FGF14: variants seen among roughly 807,000 people sequenced by gnomAD.
FGF14 encodes the protein fibroblast growth factor 14.
A neutral mutation model predicts 25.5 loss-of-function variants in FGF14; 5 were observed. The ratio of observed to expected loss-of-function variants is 0.20; its 90% CI spans 0.10 to 0.41. The LOEUF is 0.41. Among genes scored for constraint, FGF14 ranks in the 10% least tolerant of loss-of-function variants. The pLI, the probability that FGF14 is intolerant of heterozygous loss-of-function variation, is 1.00. For synonymous variants in FGF14, 138 were observed against 118.3 expected (o/e 1.17, Z -1.08); for missense variants, 222 against 320.1 (o/e 0.69, Z 2.34).
intron 3 of FGF14, among the ~76,000 whole-genome samples, chr13:101,812,099 T>C (rs1331607479): frequency 6.6e-6 from 1 of 152,148 alleles, no homozygotes; most frequent in Non-Finnish European, 1.5e-5. Flanking sequence ...TCAAATTATA[T>C]CTAAGTTCAT....
Position 101,916,535 on chromosome 13 carries a change from G to T in FGF14, c.111C>A (p.Arg37=). ...SRRRSSPSKN[R]GLCNGNLVDI... is the part of the protein sequence containing the mutation. ...CCACCAGGTTGCCGTTGCAGAGCCC[G>T]CGGTTCTTGCTGGGGCTGCTCCGCC... is the stretch of plus-strand genomic sequence containing the variant. The change falls in exon 1 of 5, where the codon CGC becomes CGA. Residue 37 remains arginine (R), a synonymous_variant. Transcript: ENST00000376143. 1 of 1,613,706 alleles carries T rather than the reference G, an allele frequency of 6.2e-7. No individual in the cohort carries two copies. The highest frequency in any genetic ancestry group is 8.5e-7 in the Non-Finnish European group (1 of 1,179,926).
rs148452566 is a variant in FGF14 at position 101,888,716 on chromosome 13, A to T, written c.194-13420T>A. ...AAATAAATGAGCATCTCCCTGATCA[A>T]CTCAAAGGCAGACAACTGTAAAGGA... On this transcript the variant is annotated intron_variant, in intron 1 of 4. Coordinates refer to ENST00000376143, the MANE Select transcript of FGF14 (RefSeq NM_004115.4). 2.9e-3 allele frequency among the ~76,000 whole-genome samples: 447 copies of T among 152,324 alleles called. 4 individuals are homozygous for T. Among genetic ancestry groups the T allele is most frequent in the African/African-American group, 0.01 (420 of 41,570 alleles).
intron 3 of FGF14, among the ~76,000 whole-genome samples, chr13:101,805,023 G>C (rs2041117658): frequency 6.6e-6 from 1 of 152,140 alleles, no homozygotes; most frequent in Admixed American, 6.6e-5. Context: ...AAATTTGACA[G>C]TATCTCCTAC....
At chr13:102,378,731 G>A (rs1426104839) in intron 1 of FGF14, among the ~76,000 whole-genome samples, 3 of 151,422 alleles carry the variant, frequency 2.0e-5, no homozygotes, top group South Asian at 2.1e-4. Context: ...AGAATCCTGA[G>A]GCACAGAGAA....
intron 1 of FGF14, among the ~76,000 whole-genome samples, chr13:102,289,898 CCT>C (rs139307444): frequency 1.3e-4 from 19 of 149,424 alleles, no homozygotes; most frequent in Admixed American, 1.3e-4. Context: ...TCTTTCCCTC[CCT>C]CTCTCTCTCT....
chr13:102,178,541 C>A (rs1215954233), intron 1 of FGF14, among the ~76,000 whole-genome samples: 1 of 151,948 alleles, frequency 6.6e-6, no homozygotes, highest in Non-Finnish European at 1.5e-5. Context: ...GTCTGTCATC[C>A]CCCTCCCACC....
intron 1 of FGF14, among the ~76,000 whole-genome samples, chr13:101,959,243 C>A (rs890727246): frequency 6.6e-6 from 1 of 152,098 alleles, no homozygotes; most frequent in Non-Finnish European, 1.5e-5. Context: ...CCTCAGCCAC[C>A]ACTCACTTCC....
At chr13:102,161,472 A>T (rs184662533) in intron 1 of FGF14, among the ~76,000 whole-genome samples, 1 of 152,108 alleles carries the variant, frequency 6.6e-6, no homozygotes, top group African/African-American at 2.4e-5. Context: ...AATGACAGCA[A>T]TCGTCAGTCA....
intron 1 of FGF14, among the ~76,000 whole-genome samples, chr13:101,875,819 A>G (rs1444295137): frequency 4.6e-5 from 7 of 152,142 alleles, no homozygotes; most frequent in Non-Finnish European, 8.8e-5. Context: ...AAAAGCCCCA[A>G]TTTGGAGAAA....
intron 3 of FGF14, among the ~76,000 whole-genome samples, chr13:101,835,188 T>C (rs2042863011): frequency 6.6e-6 from 1 of 152,034 alleles, no homozygotes; most frequent in African/African-American, 2.4e-5. Flanking sequence ...GATAAAGTAA[T>C]AGTGCTGCTT....
chr13:102,088,590 CTG>C (rs1435709511), intron 1 of FGF14, among the ~76,000 whole-genome samples: 1 of 152,052 alleles, frequency 6.6e-6, no homozygotes, highest in African/African-American at 2.4e-5. Context: ...TATTTTCTAA[CTG>C]AGAAATCAAA....
At chr13:101,894,314 G>A (rs1178760282) in intron 1 of FGF14, among the ~76,000 whole-genome samples, 1 of 152,130 alleles carries the variant, frequency 6.6e-6, no homozygotes, top group Non-Finnish European at 1.5e-5. Flanking sequence ...TGTGATTATT[G>A]TCATGATACT....
At chr13:101,993,517 A>C (rs2039016128) in intron 1 of FGF14, among the ~76,000 whole-genome samples, 1 of 152,080 alleles carries the variant, frequency 6.6e-6, no homozygotes, top group Non-Finnish European at 1.5e-5. Context: ...TGAGGTATTC[A>C]TAGCTAGTGA....
At position 101,717,916 on chromosome 13, in the gene FGF14, A is replaced by T. The variant is rs1395730407; in HGVS notation, c.*4915T>A. On this transcript the variant is annotated 3_prime_UTR_variant, in exon 5 of 5. Transcript: ENST00000376143. ...TTTTATTAACAACAACAACTACAAC[A>T]AAAGTGCTGCTCTTTTTCATAGTCT... 6.6e-6 allele frequency: 1 copy of T among 152,140 alleles called. No homozygotes were observed. The highest frequency in any genetic ancestry group is 1.5e-5 in the Non-Finnish European group (1 of 68,008). 9.4% of individuals were successfully genotyped at this position (152,140 alleles called of 1,614,324 possible). A position where few individuals can be genotyped will look rare whatever the true frequency, so the allele number is the denominator to read the frequency against.
At chr13:102,392,514 T>C (rs2058456964) in intron 1 of FGF14, among the ~76,000 whole-genome samples, 1 of 151,950 alleles carries the variant, frequency 6.6e-6, no homozygotes, top group Non-Finnish European at 1.5e-5. Context: ...AACTGTCCAT[T>C]TAAATTTTAA....
chr13:101,840,185 GTTTAT>G (rs1353629252), intron 3 of FGF14, among the ~76,000 whole-genome samples: 1 of 151,870 alleles, frequency 6.6e-6, no homozygotes, highest in African/African-American at 2.4e-5. Context: ...TACTGAGTAT[GTTTAT>G]TTTAAAAGGA....
intron 1 of FGF14, among the ~76,000 whole-genome samples, chr13:102,368,626 C>T (rs1195770242): frequency 6.6e-6 from 1 of 152,126 alleles, no homozygotes; most frequent in Non-Finnish European, 1.5e-5. Context: ...ACATTGAATG[C>T]AGCTGCATGA....
At chr13:101,997,856 T>A (rs2039273107) in intron 1 of FGF14, among the ~76,000 whole-genome samples, 1 of 152,144 alleles carries the variant, frequency 6.6e-6, no homozygotes, top group Non-Finnish European at 1.5e-5. Flanking sequence ...TTCTTTCTTA[T>A]CTTTAGTTTT....
rs572782804 is a variant in FGF14, at chr13:101,714,036, CTAATT to C, written c.*8790_*8794del. 3.1e-5 allele frequency: 5 copies of C among 159,560 alleles called. No individual in the cohort carries two copies. Among genetic ancestry groups the C allele is most frequent in the Non-Finnish European group, 6.8e-5 (5 of 73,182 alleles). The allele number at this position is 159,560 out of a possible 1,614,324, so 9.9% of individuals were successfully genotyped here. ...TAGTTGTTTTAATTAGAAATGCAACCTAATTTAATACAATTCCCTATTCATTTCCT... is the reference window on the plus strand; with the variant it reads ...TAGTTGTTTTAATTAGAAATGCAACCTAATACAATTCCCTATTCATTTCCT... On this transcript the variant is annotated 3_prime_UTR_variant, in exon 5 of 5. Coordinates refer to ENST00000376143, the MANE Select transcript of FGF14 (RefSeq NM_004115.4).
Sources: gnomAD v4.1 joint callset for allele counts (sites outside exome capture counted in the v4.1 genomes callset) on GRCh38, gnomAD v4.1.1 for gene constraint, MANE v1.5 for transcripts, NCBI Gene and HGNC (gene_info 2026-07-23, HGNC 2026-07-21) for gene names.